Variants in PPFIA2 observed in about 807,000 individuals in gnomAD.
The protein encoded by PPFIA2 is liprin-alpha-2.
In PPFIA2, 46 loss-of-function variants were observed where a neutral mutation model predicts 175.5. The observed-to-expected ratio is 0.26, with a 90% CI of 0.21 to 0.34. PPFIA2 has a LOEUF of 0.34. Among genes scored for constraint, PPFIA2 ranks in the 10% least tolerant of loss-of-function variants. PPFIA2 has a pLI of 1.00. For missense variants in PPFIA2, 1,179 were observed against 1,506.1 expected (o/e 0.78, Z 3.60); for synonymous variants, 568 against 511.4 (o/e 1.11, Z -1.49).
rs1386804576 is a variant in PPFIA2, at chr12:81,744,355, TTAA to T, written c.249+9615_249+9617del. Among the ~76,000 whole-genome samples the T allele has an allele frequency of 2.6e-5, 4 of 152,034 alleles. No individual in the cohort carries two copies. In the East Asian group the frequency reaches 5.8e-4, roughly 22 times the overall value. ...ATTCTAACAATCATTTCAAATTTCA[TTAA>T]TAATAATTTGTTTGCCTTACTAAAA... On this transcript the variant is annotated intron_variant, in intron 3 of 32. Transcript: ENST00000549396.
chr12:81,270,046 C>T (rs747022275), intron 28 of PPFIA2, among the ~76,000 whole-genome samples: 1 of 152,090 alleles, frequency 6.6e-6, no homozygotes, highest in Non-Finnish European at 1.5e-5. Context: ...AACCTAACAC[C>T]ACCTGTTCCC....
intron 4 of PPFIA2, among the ~76,000 whole-genome samples, chr12:81,596,105 C>A (rs1252936106): frequency 1.3e-5 from 2 of 151,950 alleles, no homozygotes; most frequent in African/African-American, 4.8e-5. Context: ...AGAAAATATG[C>A]TGCCTCAATA....
intron 11 of PPFIA2, 32 bp from the exon 12 acceptor site, chr12:81,369,226 T>G: frequency 6.3e-7 from 1 of 1,594,876 alleles, no homozygotes; most frequent in Non-Finnish European, 8.6e-7. Context: ...ACACCTGAAA[T>G]GTAAGATTTG....
intron 4 of PPFIA2, among the ~76,000 whole-genome samples, chr12:81,511,427 T>C (rs2061785049): frequency 6.6e-6 from 1 of 152,068 alleles, no homozygotes; most frequent in Admixed American, 6.6e-5. Flanking sequence ...ATAATATCCA[T>C]AGGTAAAATT....
At chr12:81,623,571 G>T (rs2062325255) in intron 4 of PPFIA2, among the ~76,000 whole-genome samples, 1 of 151,956 alleles carries the variant, frequency 6.6e-6, no homozygotes, top group African/African-American at 2.4e-5. Flanking sequence ...CATTTAGAGT[G>T]TAGGACTGTC....
At chr12:81,264,913 A>G (rs2036740292) in intron 30 of PPFIA2, among the ~76,000 whole-genome samples, 1 of 152,208 alleles carries the variant, frequency 6.6e-6, no homozygotes, top group African/African-American at 2.4e-5. Flanking sequence ...TGCATTAAGC[A>G]TAAATAGTCT....
At chr12:81,702,235 G>T (rs2076583816) in intron 3 of PPFIA2, among the ~76,000 whole-genome samples, 1 of 151,662 alleles carries the variant, frequency 6.6e-6, no homozygotes, top group Non-Finnish European at 1.5e-5. Context: ...TTCCACACAT[G>T]CATCCCTTCA....
intron 4 of PPFIA2, among the ~76,000 whole-genome samples, chr12:81,526,559 T>C (rs951926595): frequency 2.6e-5 from 4 of 152,216 alleles, no homozygotes; most frequent in Non-Finnish European, 4.4e-5. Flanking sequence ...TCTAAAACTA[T>C]ATTATCAAAG....
intron 8 of PPFIA2, among the ~76,000 whole-genome samples, chr12:81,384,789 T>C (rs760488312): frequency 6.6e-6 from 1 of 152,120 alleles, no homozygotes; most frequent in Non-Finnish European, 1.5e-5. Flanking sequence ...AACAAACATA[T>C]AGTATAGAAA....
At chr12:81,413,456 TA>T (rs1438944372) in intron 7 of PPFIA2, among the ~76,000 whole-genome samples, 1 of 151,486 alleles carries the variant, frequency 6.6e-6, no homozygotes, top group African/African-American at 2.4e-5. Context: ...AATAAAGAAA[TA>T]AAAGAATGGG....
At chr12:81,303,367 G>T (rs994002588) in intron 22 of PPFIA2, among the ~76,000 whole-genome samples, 1 of 152,128 alleles carries the variant, frequency 6.6e-6, no homozygotes, top group African/African-American at 2.4e-5. Context: ...TACATTTCAG[G>T]TTTAAGATTC....
At chr12:81,629,752 C>T (rs1397279775) in intron 4 of PPFIA2, among the ~76,000 whole-genome samples, 2 of 152,144 alleles carry the variant, frequency 1.3e-5, no homozygotes, top group African/African-American at 4.8e-5. Context: ...TCCCACTAGG[C>T]CCTAGGTCAC....
chr12:81,684,418 G>T (rs2074142074), intron 3 of PPFIA2, among the ~76,000 whole-genome samples: 2 of 152,060 alleles, frequency 1.3e-5, no homozygotes, highest in South Asian at 4.1e-4. Flanking sequence ...AGCAAGAGGT[G>T]AATACCTATC....
chr12:81,678,268 G>A (rs1046769990), intron 3 of PPFIA2, among the ~76,000 whole-genome samples: 2 of 151,742 alleles, frequency 1.3e-5, no homozygotes, highest in African/African-American at 4.8e-5. Context: ...TGAGGAAAAA[G>A]GCCAATATTT....
At chr12:81,293,876 T>C (rs2045705311) in intron 24 of PPFIA2, among the ~76,000 whole-genome samples, 1 of 152,036 alleles carries the variant, frequency 6.6e-6, no homozygotes, top group Non-Finnish European at 1.5e-5. Flanking sequence ...AATAGCAAAA[T>C]CATGGAATGA....
intron 4 of PPFIA2, among the ~76,000 whole-genome samples, chr12:81,647,544 G>A (rs991550804): frequency 6.6e-5 from 10 of 151,606 alleles, no homozygotes; most frequent in Admixed American, 2.0e-4. Flanking sequence ...AGCAGATCAC[G>A]AGGTCAGGAG....
chr12:81,339,683 A>G (rs529467211), intron 20 of PPFIA2, among the ~76,000 whole-genome samples: 1 of 152,114 alleles, frequency 6.6e-6, no homozygotes, highest in African/African-American at 2.4e-5. Flanking sequence ...TATTTCTCAG[A>G]GTCTGTTTTT....
At chr12:81,288,898 G>T (rs569452997) in intron 24 of PPFIA2, among the ~76,000 whole-genome samples, 3 of 151,728 alleles carry the variant, frequency 2.0e-5, no homozygotes, top group African/African-American at 7.2e-5. Context: ...TTTCAATAAA[G>T]GTTGGGGCTT....
chr12:81,704,680 G>A (rs2153605525), intron 3 of PPFIA2, among the ~76,000 whole-genome samples: 1 of 151,976 alleles, frequency 6.6e-6, no homozygotes, highest in South Asian at 2.1e-4. Flanking sequence ...ATTTGCCTTG[G>A]GAAGTTTTAA....
Sources: gnomAD v4.1 joint callset for allele counts (sites outside exome capture counted in the v4.1 genomes callset) on GRCh38, gnomAD v4.1.1 for gene constraint, MANE v1.5 for transcripts, NCBI Gene and HGNC (gene_info 2026-07-23, HGNC 2026-07-21) for gene names.